The following MTUS2 variants were observed in gnomAD, a reference collection of about 807,000 sequenced individuals.
MTUS2 encodes the protein microtubule-associated tumor suppressor candidate 2.
Under a neutral mutation model 114.1 loss-of-function variants are expected in MTUS2, and 40 were observed. The ratio of observed to expected loss-of-function variants is 0.35; its 90% CI spans 0.27 to 0.46. The LOEUF is 0.46. MTUS2 is among the 20% of genes least tolerant of loss of function. The pLI, the probability that MTUS2 is intolerant of heterozygous loss-of-function variation, is 1.00. For synonymous variants in MTUS2, 688 were observed against 672.0 expected, an observed-to-expected ratio of 1.02 and a Z score of -0.37; for missense variants, 1,679 against 1,705.4, an observed-to-expected ratio of 0.98 and a Z score of 0.27.
chr13:29,299,735 C>T (rs541934873), intron 6 of MTUS2, among the ~76,000 whole-genome samples: 1 of 152,026 alleles, frequency 6.6e-6, no homozygotes, highest in Non-Finnish European at 1.5e-5. Flanking sequence ...AGCCTTGCTC[C>T]CCTTGAAATC....
intron 8 of MTUS2, among the ~76,000 whole-genome samples, chr13:29,414,484 AAAAG>A (rs1416923279): frequency 1.3e-5 from 2 of 150,980 alleles, no homozygotes; most frequent in Admixed American, 6.6e-5. Flanking sequence ...AAAAAAAAAA[AAAAG>A]AAGACTGTAG....
intron 5 of MTUS2, among the ~76,000 whole-genome samples, chr13:29,127,542 A>G (rs561824470): frequency 2.6e-5 from 4 of 152,304 alleles, no homozygotes; most frequent in Admixed American, 1.3e-4. Flanking sequence ...CAAGACTGCA[A>G]CATCAGCTCC....
At chr13:29,390,471 T>A (rs1288366271) in intron 8 of MTUS2, among the ~76,000 whole-genome samples, 1 of 151,534 alleles carries the variant, frequency 6.6e-6, no homozygotes, top group Non-Finnish European at 1.5e-5. Context: ...CTGGCCAACA[T>A]GGTAAAACCC....
At chr13:29,490,064 T>C (rs1276065924) in intron 11 of MTUS2, 1 of 152,254 alleles carries the variant, frequency 6.6e-6, no homozygotes, top group Non-Finnish European at 1.5e-5. Context: ...GTCAAGGCCA[T>C]GTGCGTGTAG....
chr13:29,108,006 T>C (rs1890737636), intron 5 of MTUS2, among the ~76,000 whole-genome samples: 1 of 152,204 alleles, frequency 6.6e-6, no homozygotes. Flanking sequence ...AGGGTTAATA[T>C]GAAAGCTTTT....
Position 29,181,821 on chromosome 13 carries a change from T to C in MTUS2, c.2644+80851T>C, listed in dbSNP as rs556446994. ...GTGTGTGTGTGTGTGTGTGTGTGTG[T>C]GTACTGGAGTGTTTGATCAGGACAT... is the stretch of plus-strand genomic sequence containing the variant. On this transcript the variant is annotated intron_variant, in intron 5 of 15. Transcript: ENST00000612955. 1.5e-4 allele frequency among the ~76,000 whole-genome samples: 22 copies of C among 143,402 alleles called. No homozygotes were observed. The South Asian group carries it at 4.3e-3, about 28-fold the overall frequency. The allele number at this position is 143,402 out of a possible 152,430, so 94.1% of individuals were successfully genotyped here. A position where few individuals can be genotyped will look rare whatever the true frequency, so the allele number is the denominator to read the frequency against.
At chr13:29,194,515 C>T (rs1566058866) in intron 5 of MTUS2, among the ~76,000 whole-genome samples, 1 of 152,160 alleles carries the variant, frequency 6.6e-6, no homozygotes, top group Non-Finnish European at 1.5e-5. Context: ...CACTGGCCAT[C>T]AGAGAAATGC....
intron 5 of MTUS2, among the ~76,000 whole-genome samples, chr13:29,181,478 T>A (rs1894001579): frequency 6.6e-6 from 1 of 152,140 alleles, no homozygotes; most frequent in Non-Finnish European, 1.5e-5. Flanking sequence ...AGTTTCCTGA[T>A]GCCAGCACTT....
At chr13:28,979,263 T>G (rs2138287006) in intron 2 of MTUS2, among the ~76,000 whole-genome samples, 1 of 152,330 alleles carries the variant, frequency 6.6e-6, no homozygotes, top group South Asian at 2.1e-4. Flanking sequence ...GGCCAAATTG[T>G]TATTGATTTC....
intron 5 of MTUS2, among the ~76,000 whole-genome samples, chr13:29,233,102 C>T (rs990818541): frequency 1.3e-5 from 2 of 152,124 alleles, no homozygotes; most frequent in African/African-American, 4.8e-5. Context: ...ATGTGTTGGC[C>T]TTACTGTTGC....
At chr13:29,101,112 C>A in intron 5 of MTUS2, 142 bp downstream of exon 5, 2 of 936,280 alleles carry the variant, frequency 2.1e-6, no homozygotes, top group Admixed American at 3.1e-5. Flanking sequence ...TATTCATCTA[C>A]TGAAGAAAAA....
chr13:29,155,626 A>G (rs140084191), intron 5 of MTUS2, among the ~76,000 whole-genome samples: 52 of 152,332 alleles, frequency 3.4e-4, no homozygotes, highest in African/African-American at 1.2e-3. Context: ...TAATATCCAT[A>G]GAAGATTGTG....
intron 2 of MTUS2, 62 bp from the exon 3 acceptor site, chr13:29,024,394 CT>C: frequency 3.1e-6 from 1 of 322,190 alleles, no homozygotes; most frequent in East Asian, 4.8e-5. Context: ...GTGTTTACCA[CT>C]TTTTTCTCCT....
intron 2 of MTUS2, among the ~76,000 whole-genome samples, chr13:28,843,121 A>AT (rs1875622943): frequency 6.6e-6 from 1 of 152,222 alleles, no homozygotes; most frequent in Non-Finnish European, 1.5e-5. Flanking sequence ...CTGCTTTAAA[A>AT]TTGAGCAGAG....
chr13:29,347,753 G>A (rs1005868269), intron 7 of MTUS2, among the ~76,000 whole-genome samples: 6 of 152,208 alleles, frequency 3.9e-5, no homozygotes, highest in African/African-American at 1.4e-4. Flanking sequence ...AGTAGTAGGT[G>A]TGTATGTGAC....
Position 29,030,568 on chromosome 13 carries a change from C to T in MTUS2, c.2206-3317C>T, listed in dbSNP as rs192686677. 1.2e-3 allele frequency among the ~76,000 whole-genome samples: 184 copies of T among 152,244 alleles called. 3 individuals carry two copies. The highest frequency in any genetic ancestry group is 2.9e-4 in the Non-Finnish European group (20 of 68,012). ...GACATGATGTAACCCAGCGAGTCCC[C>T]CTCTTGTGTTTGAGCTCAGTGCAGG... On this transcript the variant is annotated intron_variant, in intron 3 of 15. Transcript: ENST00000612955.
intron 2 of MTUS2, among the ~76,000 whole-genome samples, chr13:28,973,505 A>C (rs1213503443): frequency 6.6e-6 from 1 of 152,236 alleles, no homozygotes; most frequent in Non-Finnish European, 1.5e-5. Context: ...GGATATATGC[A>C]TCTTCGGCTA....
At chr13:29,353,427 A>T (rs1869465815) in intron 7 of MTUS2, among the ~76,000 whole-genome samples, 1 of 152,016 alleles carries the variant, frequency 6.6e-6, no homozygotes, top group Non-Finnish European at 1.5e-5. Flanking sequence ...CAGCCTCCCA[A>T]AGTGCTGGGA....
At chr13:29,431,363 T>C (rs1876976708) in intron 8 of MTUS2, among the ~76,000 whole-genome samples, 1 of 152,254 alleles carries the variant, frequency 6.6e-6, no homozygotes, top group African/African-American at 2.4e-5. Context: ...TTGTTACTAT[T>C]GGGACCATCA....
Sources: gnomAD v4.1 joint callset for allele counts (sites outside exome capture counted in the v4.1 genomes callset) on GRCh38, gnomAD v4.1.1 for gene constraint, MANE v1.5 for transcripts, NCBI Gene and HGNC (gene_info 2026-07-23, HGNC 2026-07-21) for gene names.